ZNF407: variants seen among roughly 807,000 people sequenced by gnomAD.
The protein encoded by ZNF407 is zinc finger protein 407.
Under a neutral mutation model 131.2 loss-of-function variants are expected in ZNF407, and 17 were observed. The observed-to-expected ratio is 0.13, with a 90% CI of 0.09 to 0.19. The LOEUF is 0.19. Among genes scored for constraint, ZNF407 ranks in the 10% least tolerant of loss-of-function variants. ZNF407 has a pLI of 1.00. For synonymous variants in ZNF407, 1,156 were observed against 1,062.0 expected (o/e 1.09, Z -1.72); for missense variants, 2,681 against 2,830.6 (o/e 0.95, Z 1.20).
At chr18:74,944,129 T>C (rs1047439462) in intron 8 of ZNF407, among the ~76,000 whole-genome samples, 4 of 152,354 alleles carry the variant, frequency 2.6e-5, no homozygotes, top group South Asian at 2.1e-4. Flanking sequence ...ATTAAAGTGC[T>C]GCTTGATATT....
intron 3 of ZNF407, among the ~76,000 whole-genome samples, chr18:74,717,158 G>A (rs1461014036): frequency 2.0e-5 from 3 of 152,270 alleles, no homozygotes; most frequent in African/African-American, 7.2e-5. Context: ...AGCCATTTCT[G>A]ATGTAATTTT....
rs555346146 is a variant in ZNF407, at chr18:74,982,141, CA to C, written c.5428+61452del. Among the ~76,000 whole-genome samples the C allele has an allele frequency of 2.6e-3, 396 of 152,328 alleles. 2 individuals are homozygous for C. Among genetic ancestry groups the C allele is most frequent in the Non-Finnish European group, 4.1e-3 (280 of 68,028 alleles). On this transcript the variant is annotated intron_variant, in intron 8 of 8. Transcript: ENST00000299687. Reference sequence around the variant, plus strand: ...GAGTAGTATTGAAAACATGTGCCTACAAATGTGCGGACTTTTTAGCATTCTC... The same window carrying C: ...GAGTAGTATTGAAAACATGTGCCTACAATGTGCGGACTTTTTAGCATTCTC...
chr18:74,739,238 A>G (rs1968492127), intron 3 of ZNF407, among the ~76,000 whole-genome samples: 1 of 151,518 alleles, frequency 6.6e-6, no homozygotes, highest in African/African-American at 2.4e-5. Flanking sequence ...AGGCATATCC[A>G]GTTGGGAGTG....
At position 74,870,004 on chromosome 18, in the gene ZNF407, A is replaced by G. The variant is rs572189467; in HGVS notation, c.4878-7193A>G. On this transcript the variant is annotated intron_variant, in intron 4 of 8. Coordinates refer to ENST00000299687, the MANE Select transcript of ZNF407 (RefSeq NM_017757.3). ...GGTCTCTTTGACAAAGAAAAATTTC[A>G]TAGCAGAGATTTTGAAAGATGAAAT... 1.1e-4 allele frequency among the ~76,000 whole-genome samples: 17 copies of G among 152,334 alleles called. No homozygotes were observed. The South Asian group carries it at 3.3e-3, about 30-fold the overall frequency.
At chr18:74,610,631 C>A (rs1210468027) in intron 1 of ZNF407, among the ~76,000 whole-genome samples, 1 of 152,110 alleles carries the variant, frequency 6.6e-6, no homozygotes, top group Non-Finnish European at 1.5e-5. Context: ...CTCACTGCAA[C>A]CTCCGCCTCC....
chr18:75,050,308 T>A (rs1328829686), intron 8 of ZNF407, among the ~76,000 whole-genome samples: 1 of 152,174 alleles, frequency 6.6e-6, no homozygotes, highest in South Asian at 2.1e-4. Flanking sequence ...AAGTATTATG[T>A]TACATATTTT....
chr18:75,008,582 T>C (rs1188050313), intron 8 of ZNF407, among the ~76,000 whole-genome samples: 1 of 152,266 alleles, frequency 6.6e-6, no homozygotes, highest in Non-Finnish European at 1.5e-5. Flanking sequence ...CTCTAATGAT[T>C]ACTAGTGAGA....
intron 7 of ZNF407, among the ~76,000 whole-genome samples, chr18:74,906,131 T>C (rs963124026): frequency 6.6e-6 from 1 of 152,184 alleles, no homozygotes; most frequent in African/African-American, 2.4e-5. Flanking sequence ...GCAGTACCCC[T>C]TGTAGGCATT....
chr18:74,888,123 C>T (rs929662516), intron 6 of ZNF407, among the ~76,000 whole-genome samples: 4 of 151,944 alleles, frequency 2.6e-5, no homozygotes, highest in African/African-American at 9.7e-5. Flanking sequence ...ACAGCTATCA[C>T]AAAAACATGG....
intron 3 of ZNF407, among the ~76,000 whole-genome samples, chr18:74,734,671 T>TTG (rs200073035): frequency 0.12 from 16,271 of 138,820 alleles, 882 homozygotes; most frequent in Middle Eastern, 0.23. Flanking sequence ...GAGTTTCAAT[T>TTG]TGTGTGTGTG....
At chr18:74,728,056 AGTT>A (rs897698574) in intron 3 of ZNF407, among the ~76,000 whole-genome samples, 19 of 152,132 alleles carry the variant, frequency 1.2e-4, no homozygotes, top group African/African-American at 2.2e-4. Flanking sequence ...GGTTATTCAT[AGTT>A]GTTGTTGTTG....
intron 8 of ZNF407, among the ~76,000 whole-genome samples, chr18:75,051,341 G>A (rs534975993): frequency 4.6e-5 from 7 of 152,284 alleles, no homozygotes; most frequent in Admixed American, 2.0e-4. Flanking sequence ...AAAAGCACCC[G>A]AGTGCATTCT....
At position 75,033,326 on chromosome 18, in the gene ZNF407, G is replaced by A. The variant is rs369418841; in HGVS notation, c.5429-29824G>A. Among the ~76,000 whole-genome samples, 6 of 152,164 alleles carry A rather than the reference G, an allele frequency of 3.9e-5. No homozygotes were observed. The East Asian group carries it at 5.8e-4, about 15-fold the overall frequency. Reference sequence around the variant, plus strand: ...TAGTATTAGATAACTAAGAATGCTCGGAAAGCCTCTCCACATATATGCTAG... The same window carrying A: ...TAGTATTAGATAACTAAGAATGCTCAGAAAGCCTCTCCACATATATGCTAG... On this transcript the variant is annotated intron_variant, in intron 8 of 8. Transcript: ENST00000299687.
At chr18:74,683,917 T>G (rs1967040553) in intron 3 of ZNF407, among the ~76,000 whole-genome samples, 1 of 152,232 alleles carries the variant, frequency 6.6e-6, no homozygotes, top group South Asian at 2.1e-4. Flanking sequence ...TCAGTGCCTT[T>G]GAAAAATAGG....
At chr18:74,757,541 T>C (rs1459059133) in intron 3 of ZNF407, among the ~76,000 whole-genome samples, 1 of 152,146 alleles carries the variant, frequency 6.6e-6, no homozygotes, top group African/African-American at 2.4e-5. Context: ...TCAATCTCTA[T>C]AGATGTCCTG....
At chr18:74,902,926 C>T (rs1292224049) in intron 7 of ZNF407, among the ~76,000 whole-genome samples, 1 of 152,162 alleles carries the variant, frequency 6.6e-6, no homozygotes, top group East Asian at 1.9e-4. Context: ...TCTACCTCTC[C>T]ATGGGATGGA....
intron 8 of ZNF407, among the ~76,000 whole-genome samples, chr18:75,019,253 A>C (rs1182986047): frequency 6.6e-6 from 1 of 152,206 alleles, no homozygotes; most frequent in African/African-American, 2.4e-5. Flanking sequence ...TACATAAAAT[A>C]AAATTCAGAT....
chr18:74,793,599 A>G (rs1394143402), intron 4 of ZNF407, among the ~76,000 whole-genome samples: 1 of 152,230 alleles, frequency 6.6e-6, no homozygotes, highest in African/African-American at 2.4e-5. Context: ...TTCAGCAAAA[A>G]TGTAATTTGT....
chr18:74,709,074 G>A (rs746674965), intron 3 of ZNF407, among the ~76,000 whole-genome samples: 12 of 152,098 alleles, frequency 7.9e-5, no homozygotes, highest in Non-Finnish European at 1.2e-4. Flanking sequence ...ACTTAACTGG[G>A]AGTAATGAAT....
Sources: allele counts gnomAD v4.1 joint callset (sites outside exome capture counted in the v4.1 genomes callset), GRCh38; gene constraint gnomAD v4.1.1; transcripts MANE v1.5; gene names NCBI Gene and HGNC (gene_info 2026-07-23, HGNC 2026-07-21).